Variants in TAFA1 observed in about 807,000 individuals in gnomAD.
TAFA1 encodes chemokine-like protein TAFA-1.
Under a neutral mutation model 18.5 loss-of-function variants are expected in TAFA1, and 4 were observed. That is an observed-to-expected ratio of 0.22 (90% CI 0.11 to 0.49). The LOEUF is 0.49. Ranked by LOEUF, TAFA1 falls within the 20% of genes least tolerant of loss-of-function variation. TAFA1 has a pLI of 0.98. For synonymous variants in TAFA1, 56 were observed against 55.2 expected (o/e 1.01, Z -0.06); for missense variants, 147 against 169.0 (o/e 0.87, Z 0.72).
chr3:68,515,137 T>TCAACTGTA (rs2072902008), intron 3 of TAFA1, among the ~76,000 whole-genome samples: 1 of 152,140 alleles, frequency 6.6e-6, no homozygotes, highest in Non-Finnish European at 1.5e-5. Flanking sequence ...CATCTGCATG[T>TCAACTGTA]GCACTTCCCA....
chr3:68,291,923 C>T (rs1444065872), intron 2 of TAFA1, among the ~76,000 whole-genome samples: 1 of 152,068 alleles, frequency 6.6e-6, no homozygotes, highest in Non-Finnish European at 1.5e-5. Flanking sequence ...CAGTATAAGG[C>T]ATCTGATATT....
chr3:68,093,680 C>T (rs537196621), intron 2 of TAFA1, among the ~76,000 whole-genome samples: 5 of 152,168 alleles, frequency 3.3e-5, no homozygotes, highest in Middle Eastern at 3.4e-3. Context: ...TGCATTCCCC[C>T]AGAGCTATAG....
chr3:68,353,655 G>C (rs2069311121), intron 2 of TAFA1, among the ~76,000 whole-genome samples: 1 of 151,988 alleles, frequency 6.6e-6, no homozygotes, highest in African/African-American at 2.4e-5. Context: ...GAAAAAGGCA[G>C]GAAACAGAAA....
chr3:68,035,723 A>C lies in TAFA1; in HGVS notation c.118+28979A>C, dbSNP rs1473899381. Among the ~76,000 whole-genome samples the C allele has an allele frequency of 1.1e-4, 17 of 152,180 alleles. 1 individual carries two copies. Among genetic ancestry groups the C allele is most frequent in the Admixed American group, 1.1e-3 (17 of 15,278 alleles). ...TGCAACTTATGTTCACACAAAAAAC[A>C]TGTGTGAATATTGATAGAAGCGCTA... On this transcript the variant is annotated intron_variant, in intron 2 of 4. Transcript: ENST00000478136.
At chr3:68,220,793 G>A (rs1575687989) in intron 2 of TAFA1, among the ~76,000 whole-genome samples, 1 of 151,932 alleles carries the variant, frequency 6.6e-6, no homozygotes, top group Non-Finnish European at 1.5e-5. Context: ...TCATTTTCTT[G>A]CTGCACTGCT....
At chr3:68,496,040 A>G (rs1402376030) in intron 3 of TAFA1, among the ~76,000 whole-genome samples, 1 of 148,164 alleles carries the variant, frequency 6.7e-6, no homozygotes, top group Non-Finnish European at 1.5e-5. Context: ...CAAACAACAG[A>G]CCTTCTCAAA....
At chr3:68,413,942 C>T (rs1177277564) in intron 2 of TAFA1, among the ~76,000 whole-genome samples, 3 of 152,020 alleles carry the variant, frequency 2.0e-5, no homozygotes, top group Non-Finnish European at 4.4e-5. Flanking sequence ...GGGGTACATG[C>T]CTGGGGTGCT....
intron 2 of TAFA1, among the ~76,000 whole-genome samples, chr3:68,385,625 C>G (rs2070082817): frequency 6.6e-6 from 1 of 152,024 alleles, no homozygotes; most frequent in Non-Finnish European, 1.5e-5. Context: ...TAGGCAATCT[C>G]AAGTGTTTGC....
intron 3 of TAFA1, among the ~76,000 whole-genome samples, chr3:68,510,189 C>T (rs758366439): frequency 2.0e-5 from 3 of 152,050 alleles, no homozygotes; most frequent in Non-Finnish European, 2.9e-5. Flanking sequence ...TAATCACTCT[C>T]GTAGGCAGAG....
intron 2 of TAFA1, among the ~76,000 whole-genome samples, chr3:68,106,331 G>A (rs981860129): frequency 4.6e-5 from 7 of 152,112 alleles, no homozygotes; most frequent in Non-Finnish European, 8.8e-5. Flanking sequence ...GTGATCAGCG[G>A]CTGTTCTGTC....
At chr3:68,146,366 T>C (rs2065741285) in intron 2 of TAFA1, among the ~76,000 whole-genome samples, 1 of 152,176 alleles carries the variant, frequency 6.6e-6, no homozygotes, top group Admixed American at 6.5e-5. Context: ...GCCGTCTTTC[T>C]CCTTAAGAGG....
intron 3 of TAFA1, 56 bp from the exon 4 acceptor site, chr3:68,538,700 A>G (rs2073315926): frequency 6.3e-7 from 1 of 1,588,448 alleles, no homozygotes; most frequent in African/African-American, 1.3e-5. Flanking sequence ...ACACAACGTC[A>G]GTGTTCAGGT....
intron 2 of TAFA1, among the ~76,000 whole-genome samples, chr3:68,364,773 C>G (rs2069534421): frequency 6.6e-6 from 1 of 152,164 alleles, no homozygotes; most frequent in African/African-American, 2.4e-5. Flanking sequence ...ATTCTAAGAA[C>G]TTTCCATATG....
At chr3:68,312,440 C>T (rs887667160) in intron 2 of TAFA1, among the ~76,000 whole-genome samples, 8 of 152,192 alleles carry the variant, frequency 5.3e-5, no homozygotes, top group Non-Finnish European at 1.2e-4. Flanking sequence ...CTCTTGAAGG[C>T]TTTGCTGCTT....
intron 2 of TAFA1, among the ~76,000 whole-genome samples, chr3:68,362,412 C>T (rs1043063824): frequency 1.2e-4 from 18 of 151,956 alleles, no homozygotes; most frequent in Non-Finnish European, 2.4e-4. Flanking sequence ...GGACTGAAGA[C>T]GGAGAAATGG....
chr3:68,360,764 A>G (rs1353425296), intron 2 of TAFA1, among the ~76,000 whole-genome samples: 1 of 152,082 alleles, frequency 6.6e-6, no homozygotes, highest in Non-Finnish European at 1.5e-5. Flanking sequence ...CTCACATTTT[A>G]TGCAGAAACA....
intron 2 of TAFA1, among the ~76,000 whole-genome samples, chr3:68,337,460 TG>T (rs1354001890): frequency 1.3e-5 from 2 of 152,144 alleles, no homozygotes; most frequent in Admixed American, 6.5e-5. Flanking sequence ...ACATGAGATT[TG>T]GGCAAGGACA....
At chr3:68,084,754 C>T (rs143594785) in intron 2 of TAFA1, among the ~76,000 whole-genome samples, 9 of 150,766 alleles carry the variant, frequency 6.0e-5, no homozygotes, top group Non-Finnish European at 4.4e-5. Context: ...GCCGAGATAG[C>T]GCCATTGCAC....
intron 2 of TAFA1, among the ~76,000 whole-genome samples, chr3:68,054,746 C>A (rs2064512922): frequency 6.6e-6 from 1 of 152,204 alleles, no homozygotes; most frequent in Non-Finnish European, 1.5e-5. Flanking sequence ...CAAAGCTTTG[C>A]CAACCTCTGA....
Sources: allele counts gnomAD v4.1 joint callset (sites outside exome capture counted in the v4.1 genomes callset), GRCh38; gene constraint gnomAD v4.1.1; transcripts MANE v1.5; gene names NCBI Gene and HGNC (gene_info 2026-07-23, HGNC 2026-07-21).